The following SGCZ variants were observed in gnomAD, a reference collection of about 807,000 sequenced individuals.
The protein encoded by SGCZ is sarcoglycan zeta, also known as zeta-sarcoglycan.
SGCZ carries 40 observed loss-of-function variants against 41.3 expected under a neutral mutation model. The ratio of observed to expected loss-of-function variants is 0.97; its 90% CI spans 0.75 to 1.26. The LOEUF is 1.26. Ranked by LOEUF, SGCZ falls within the 50% of genes most tolerant of loss-of-function variation. The probability of loss-of-function intolerance (pLI) is 0.00; values close to 1 mark genes in which losing one functional copy is unlikely to be tolerated. For synonymous variants in SGCZ, 206 were observed against 137.5 expected (o/e 1.50, Z -3.49); for missense variants, 552 against 369.8 (o/e 1.49, Z -4.04).
intron 2 of SGCZ, among the ~76,000 whole-genome samples, chr8:14,447,804 T>G (rs761965842): frequency 1.3e-5 from 2 of 152,176 alleles, no homozygotes; most frequent in African/African-American, 4.8e-5. Context: ...ATAAATGACT[T>G]TGCATTGTTT....
chr8:14,162,790 AT>A (rs1804086918), intron 5 of SGCZ: 1 of 152,234 alleles, frequency 6.6e-6, no homozygotes, highest in African/African-American at 2.4e-5. Context: ...GTAGGATTTG[AT>A]TCAGGCCAGG....
intron 1 of SGCZ, among the ~76,000 whole-genome samples, chr8:14,780,742 C>T (rs1585254534): frequency 1.3e-5 from 2 of 152,050 alleles, no homozygotes; most frequent in South Asian, 2.1e-4. Context: ...ACATGGGTAA[C>T]CTTAATTTCA....
rs192792523 is a variant in SGCZ at position 14,855,222 on chromosome 8, G to A, written c.40-300296C>T. On this transcript the variant is annotated intron_variant, in intron 1 of 7. Transcript: ENST00000382080. ...ATGCCAACATGTCCACCTAACTTTCGTATTTTTAGTTGAGACGGAATTTCA... is the reference window on the plus strand; with the variant it reads ...ATGCCAACATGTCCACCTAACTTTCATATTTTTAGTTGAGACGGAATTTCA... 1.6e-4 allele frequency among the ~76,000 whole-genome samples: 24 copies of A among 151,772 alleles called. No individual in the cohort carries two copies. The East Asian group carries it at 2.1e-3, about 14-fold the overall frequency.
intron 2 of SGCZ, among the ~76,000 whole-genome samples, chr8:14,538,842 C>A (rs945712209): frequency 2.0e-5 from 3 of 151,642 alleles, no homozygotes; most frequent in Non-Finnish European, 2.9e-5. Context: ...TAAGATAGAC[C>A]AAGTGTGCAT....
At chr8:15,210,039 T>C (rs867281094) in intron 1 of SGCZ, among the ~76,000 whole-genome samples, 1 of 152,192 alleles carries the variant, frequency 6.6e-6, no homozygotes, top group African/African-American at 2.4e-5. Flanking sequence ...GAAAACACAA[T>C]ACTTCTTACT....
intron 6 of SGCZ, among the ~76,000 whole-genome samples, chr8:14,107,128 A>C (rs1442398170): frequency 1.3e-5 from 2 of 152,066 alleles, no homozygotes; most frequent in African/African-American, 2.4e-5. Flanking sequence ...AGGCAGGAGA[A>C]TGGCGTGAAC....
chr8:14,496,752 GT>G (rs1801999774), intron 2 of SGCZ, among the ~76,000 whole-genome samples: 1 of 152,072 alleles, frequency 6.6e-6, no homozygotes, highest in Non-Finnish European at 1.5e-5. Flanking sequence ...GCACTCTCAT[GT>G]GTTTGATATA....
intron 1 of SGCZ, among the ~76,000 whole-genome samples, chr8:14,768,228 T>C (rs1409464710): frequency 6.6e-6 from 1 of 152,232 alleles, no homozygotes; most frequent in Non-Finnish European, 1.5e-5. Context: ...ACATATAGTC[T>C]CCTAACATTC....
chr8:14,854,648 T>C (rs1309912227), intron 1 of SGCZ, among the ~76,000 whole-genome samples: 1 of 152,226 alleles, frequency 6.6e-6, no homozygotes, highest in African/African-American at 2.4e-5. Context: ...TAATATAGTT[T>C]GGTGTTAAAC....
chr8:14,263,279 G>C (rs1315104547), intron 3 of SGCZ, among the ~76,000 whole-genome samples: 2 of 152,114 alleles, frequency 1.3e-5, no homozygotes, highest in African/African-American at 2.4e-5. Context: ...AATCAGAAAA[G>C]GCCTCATGCC....
intron 1 of SGCZ, among the ~76,000 whole-genome samples, chr8:15,236,871 C>G (rs1468836519): frequency 6.6e-6 from 1 of 152,028 alleles, no homozygotes; most frequent in African/African-American, 2.4e-5. Context: ...CCGGAGCCTC[C>G]GCAGATGCCG....
intron 1 of SGCZ, among the ~76,000 whole-genome samples, chr8:14,616,758 A>T (rs547359628): frequency 2.0e-5 from 3 of 152,286 alleles, no homozygotes; most frequent in African/African-American, 7.2e-5. Flanking sequence ...TGAAAATAAC[A>T]AATAAATGCC....
chr8:14,131,679 A>C (rs1429362307), intron 5 of SGCZ, among the ~76,000 whole-genome samples: 1 of 152,164 alleles, frequency 6.6e-6, no homozygotes, highest in Non-Finnish European at 1.5e-5. Flanking sequence ...TGTTTCATCA[A>C]ATTTGTAATG....
chr8:14,186,911 G>A (rs1804922787), intron 4 of SGCZ, among the ~76,000 whole-genome samples: 1 of 152,104 alleles, frequency 6.6e-6, no homozygotes, highest in African/African-American at 2.4e-5. Context: ...TCAAAACTGA[G>A]CTGAGAAACT....
chr8:14,940,182 T>C (rs1157756244), intron 1 of SGCZ, among the ~76,000 whole-genome samples: 1 of 152,124 alleles, frequency 6.6e-6, no homozygotes, highest in African/African-American at 2.4e-5. Context: ...GTTCTTCAGA[T>C]TTATACCAGG....
At chr8:14,846,417 A>G (rs1563311572) in intron 1 of SGCZ, among the ~76,000 whole-genome samples, 2 of 152,136 alleles carry the variant, frequency 1.3e-5, no homozygotes, top group Admixed American at 1.3e-4. Flanking sequence ...TAGATAAGTT[A>G]ACGTATCCCA....
intron 1 of SGCZ, among the ~76,000 whole-genome samples, chr8:14,981,040 A>T (rs937468442): frequency 6.6e-6 from 1 of 152,100 alleles, no homozygotes; most frequent in African/African-American, 2.4e-5. Flanking sequence ...GCCCTACTAA[A>T]TCTTAATTAA....
At chr8:14,384,898 G>A (rs1436445106) in intron 2 of SGCZ, among the ~76,000 whole-genome samples, 1 of 152,170 alleles carries the variant, frequency 6.6e-6, no homozygotes, top group Non-Finnish European at 1.5e-5. Context: ...AGTCCCAGTT[G>A]AGCAAAATTA....
At chr8:14,765,162 G>A (rs1336140061) in intron 1 of SGCZ, among the ~76,000 whole-genome samples, 1 of 152,074 alleles carries the variant, frequency 6.6e-6, no homozygotes, top group African/African-American at 2.4e-5. Context: ...GGAAAGCTGT[G>A]CCCTCAACTT....
Sources: gnomAD v4.1 joint callset for allele counts (sites outside exome capture counted in the v4.1 genomes callset) on GRCh38, gnomAD v4.1.1 for gene constraint, MANE v1.5 for transcripts, NCBI Gene and HGNC (gene_info 2026-07-23, HGNC 2026-07-21) for gene names.